LRRC2: variants seen among roughly 807,000 people sequenced by gnomAD.
LRRC2 encodes the protein leucine rich repeat containing 2, also known as leucine-rich repeat-containing protein 2.
LRRC2 carries 27 observed loss-of-function variants against 40.2 expected under a neutral mutation model. The ratio of observed to expected loss-of-function variants is 0.67; its 90% CI spans 0.49 to 0.93. The LOEUF is 0.93. LRRC2 is among the 40% of genes least tolerant of loss of function. The pLI, the probability that LRRC2 is intolerant of heterozygous loss-of-function variation, is 0.00. For missense variants in LRRC2, 402 were observed against 439.6 expected, an observed-to-expected ratio of 0.91 and a Z score of 0.76; for synonymous variants, 147 against 158.9, an observed-to-expected ratio of 0.92 and a Z score of 0.56.
Position 46,533,318 on chromosome 3 carries a change from T to C in LRRC2, c.491-409A>G, listed in dbSNP as rs925990074. ...CTAATTTCCAGTAAGGGGAAGATAA[T>C]TGCAACTGGAGCACAGTGTCTATAG... On this transcript the variant is annotated intron_variant, in intron 4 of 8. Coordinates refer to ENST00000395905, the MANE Select transcript of LRRC2 (RefSeq NM_024512.5). Among the ~76,000 whole-genome samples the C allele has an allele frequency of 3.9e-5, 6 of 152,170 alleles. No individual in the cohort carries two copies. In the South Asian group the frequency reaches 1.2e-3, roughly 32 times the overall value.
At chr3:46,531,840 C>A (rs1157929627) in intron 5 of LRRC2, among the ~76,000 whole-genome samples, 1 of 152,176 alleles carries the variant, frequency 6.6e-6, no homozygotes, top group Admixed American at 6.5e-5. Context: ...GTGTCCAGTG[C>A]CTTGTCACCA....
At chr3:46,529,797 T>C in intron 6 of LRRC2, 108 bp downstream of exon 6, 4 of 1,175,688 alleles carry the variant, frequency 3.4e-6, no homozygotes, top group East Asian at 2.5e-5. Flanking sequence ...TCTGGAAAAT[T>C]AGTTGATTCC....
intron 2 of LRRC2, 195 bp downstream of exon 2, chr3:46,551,272 A>C (rs1265171632): frequency 2.4e-5 from 12 of 509,466 alleles, no homozygotes; most frequent in Non-Finnish European, 3.9e-5. Flanking sequence ...GGTCCTTATA[A>C]CCATGGGTGT....
rs1236296556 is a variant in LRRC2 at position 46,555,656 on chromosome 3, C to G, written c.-19-4046G>C. Among the ~76,000 whole-genome samples the G allele has an allele frequency of 2.6e-5, 4 of 152,150 alleles. No individual in the cohort carries two copies. In the South Asian group the frequency reaches 8.3e-4, roughly 32 times the overall value. On this transcript the variant is annotated intron_variant, in intron 1 of 8. Transcript: ENST00000395905. Reference sequence around the variant, plus strand: ...ACCACCATATAGGTCCTCCTACATTCCCACCTTTATGTTGCAGTTGTCTTA... The same window carrying G: ...ACCACCATATAGGTCCTCCTACATTGCCACCTTTATGTTGCAGTTGTCTTA...
rs1486484345 is a variant in LRRC2, at chr3:46,539,107, A to G, written c.428T>C (p.Phe143Ser). 2 of 1,614,040 alleles carry G rather than the reference A, an allele frequency of 1.2e-6. No individual in the cohort carries two copies. The highest frequency in any genetic ancestry group is 2.2e-5 in the East Asian group (1 of 44,892). ...IQIIPTYIQL[F>S]QAMRILDLPK... ...CAGATCCAGAATTCTCATCGCTTGA[A>G]ATAACTGAATATATGTAGGAATGAT... The change falls in exon 4 of 9, where the codon TTT becomes TCT. Residue 143 changes from phenylalanine to serine, a missense_variant. Coordinates refer to ENST00000395905, the MANE Select transcript of LRRC2 (RefSeq NM_024512.5).
At chr3:46,535,620 T>G (rs1704256254) in intron 4 of LRRC2, among the ~76,000 whole-genome samples, 1 of 152,178 alleles carries the variant, frequency 6.6e-6, no homozygotes, top group African/African-American at 2.4e-5. Context: ...CTCAAGTTAC[T>G]CAAAGTTAGA....
At chr3:46,553,151 CT>C (rs1201455558) in intron 1 of LRRC2, among the ~76,000 whole-genome samples, 1 of 145,138 alleles carries the variant, frequency 6.9e-6, no homozygotes, top group Non-Finnish European at 1.5e-5. Flanking sequence ...TTTACATTTA[CT>C]TTTTGTTTTA....
chr3:46,551,309 A>G (rs1178491771), intron 2 of LRRC2, 158 bp downstream of exon 2: 12 of 783,690 alleles, frequency 1.5e-5, no homozygotes, highest in Non-Finnish European at 1.9e-5. Flanking sequence ...GCGTATTTGT[A>G]CTGAGCAACA....
intron 3 of LRRC2, among the ~76,000 whole-genome samples, chr3:46,540,288 G>A (rs1188496808): frequency 1.3e-5 from 2 of 152,226 alleles, no homozygotes; most frequent in African/African-American, 4.8e-5. Flanking sequence ...AATTTGGGAG[G>A]CCAAGGCGGG....
At chr3:46,543,072 G>A (rs1251434336) in intron 3 of LRRC2, among the ~76,000 whole-genome samples, 1 of 152,186 alleles carries the variant, frequency 6.6e-6, no homozygotes, top group Non-Finnish European at 1.5e-5. Flanking sequence ...TCAGAGGTGA[G>A]GCCGAAGCAC....
intron 1 of LRRC2, among the ~76,000 whole-genome samples, chr3:46,562,155 G>C (rs1316781631): frequency 6.6e-6 from 1 of 152,130 alleles, no homozygotes; most frequent in Non-Finnish European, 1.5e-5. Flanking sequence ...TCTGAGACTA[G>C]GTCTTCACTC....
rs1201750648 is a variant in LRRC2 at position 46,515,448 on chromosome 3, G to A, written c.*3566C>T. The A allele has an allele frequency of 6.6e-6, 1 of 152,012 alleles. No homozygotes were observed. The highest frequency in any genetic ancestry group is 1.5e-5 in the Non-Finnish European group (1 of 68,014). The allele number at this position is 152,012 out of a possible 1,614,324, so 9.4% of individuals were successfully genotyped here. On this transcript the variant is annotated 3_prime_UTR_variant, in exon 9 of 9. Transcript: ENST00000395905. ...ACTTTAATATTCATACATGTATTCT[G>A]CCATGTAAATAACCTTTCCAAATTA...
intron 8 of LRRC2, among the ~76,000 whole-genome samples, chr3:46,521,043 A>G (rs1381918728): frequency 6.6e-6 from 1 of 152,096 alleles, no homozygotes; most frequent in Non-Finnish European, 1.5e-5. Flanking sequence ...TCACCACCCT[A>G]TGGGAACCAA....
intron 3 of LRRC2, among the ~76,000 whole-genome samples, chr3:46,541,476 G>C (rs1704390475): frequency 6.6e-6 from 1 of 152,168 alleles, no homozygotes; most frequent in Non-Finnish European, 1.5e-5. Context: ...CAACAGTACA[G>C]GAACTTTTTA....
chr3:46,537,171 G>C (rs997464392), intron 4 of LRRC2, among the ~76,000 whole-genome samples: 1 of 152,166 alleles, frequency 6.6e-6, no homozygotes, highest in Non-Finnish European at 1.5e-5. Flanking sequence ...TGTCACCCAG[G>C]CTGGAGTGAT....
intron 1 of LRRC2, 128 bp from the exon 2 acceptor site, chr3:46,551,738 G>T: frequency 2.7e-6 from 1 of 375,134 alleles, no homozygotes; most frequent in East Asian, 6.2e-5. Context: ...ACTACTTCAA[G>T]GATGACAGTT....
chr3:46,555,893 G>C (rs1224215127), intron 1 of LRRC2, among the ~76,000 whole-genome samples: 1 of 152,062 alleles, frequency 6.6e-6, no homozygotes, highest in Non-Finnish European at 1.5e-5. Context: ...GACATATTCT[G>C]GTTTCCTTCA....
At chr3:46,554,300 C>T (rs1286059626) in intron 1 of LRRC2, among the ~76,000 whole-genome samples, 1 of 60,952 alleles carries the variant, frequency 1.6e-5, no homozygotes, top group African/African-American at 6.6e-5. Flanking sequence ...GGATTATCGG[C>T]ATGAGACAGT....
chr3:46,546,117 G>A (rs563329674), intron 2 of LRRC2, among the ~76,000 whole-genome samples: 2 of 152,320 alleles, frequency 1.3e-5, no homozygotes, highest in South Asian at 2.1e-4. Context: ...GGAACCTGGC[G>A]GCAGTCAGGA....
Sources: allele counts gnomAD v4.1 joint callset (sites outside exome capture counted in the v4.1 genomes callset), GRCh38; gene constraint gnomAD v4.1.1; transcripts MANE v1.5; gene names NCBI Gene and HGNC (gene_info 2026-07-23, HGNC 2026-07-21).